KCNMA1: variants seen among roughly 807,000 people sequenced by gnomAD.
The protein encoded by KCNMA1 is Calcium-activated potassium channel subunit alpha-1.
In KCNMA1, 29 loss-of-function variants were observed where a neutral mutation model predicts 140.0. That is an observed-to-expected ratio of 0.21 (90% CI 0.15 to 0.28). The LOEUF (loss-of-function observed/expected upper bound fraction) is 0.28, where lower values mean the gene tolerates loss of function less well. Among genes scored for constraint, KCNMA1 ranks in the 10% least tolerant of loss-of-function variants. KCNMA1 has a pLI of 1.00. For missense variants in KCNMA1, 880 were observed against 1,602.2 expected, an observed-to-expected ratio of 0.55 and a Z score of 7.70; for synonymous variants, 612 against 611.9, an observed-to-expected ratio of 1.00 and a Z score of 0.00.
At chr10:77,382,883 A>T (rs796754420) in intron 2 of KCNMA1, among the ~76,000 whole-genome samples, 23,554 of 114,478 alleles carry the variant, frequency 0.21, 4,457 homozygotes, top group Non-Finnish European at 0.32. Flanking sequence ...AAAAAAAAAA[A>T]AAATATATAT....
chr10:76,995,009 G>A (rs1200551017), intron 19 of KCNMA1, among the ~76,000 whole-genome samples: 1 of 152,160 alleles, frequency 6.6e-6, no homozygotes, highest in African/African-American at 2.4e-5. Flanking sequence ...CCTCTCTCGA[G>A]TGACTTCACA....
At chr10:76,875,957 T>C (rs1212959133), downstream of KCNMA1, 1 of 152,592 alleles carries the variant, frequency 6.6e-6, no homozygotes, top group Non-Finnish European at 1.5e-5. Flanking sequence ...TCACAATACT[T>C]TTATAGAACT....
At chr10:77,413,003 G>A (rs907842362) in intron 1 of KCNMA1, among the ~76,000 whole-genome samples, 13 of 151,936 alleles carry the variant, frequency 8.6e-5, no homozygotes, top group Non-Finnish European at 7.4e-5. Context: ...GATTACAGGC[G>A]TGTGTCATCA....
intron 23 of KCNMA1, among the ~76,000 whole-genome samples, chr10:76,934,270 C>T (rs2059967983): frequency 6.6e-6 from 1 of 152,234 alleles, no homozygotes; most frequent in Non-Finnish European, 1.5e-5. Context: ...CTGCATCTGG[C>T]CTCAGGGCCA....
At chr10:77,532,623 T>C (rs572084777) in intron 1 of KCNMA1, among the ~76,000 whole-genome samples, 178 of 152,326 alleles carry the variant, frequency 1.2e-3, no homozygotes, top group Non-Finnish European at 1.8e-3. Flanking sequence ...TTCCATGTAC[T>C]GAATATTTTT....
intron 9 of KCNMA1, among the ~76,000 whole-genome samples, chr10:77,100,863 T>A (rs774816176): frequency 6.6e-6 from 1 of 152,198 alleles, no homozygotes; most frequent in Non-Finnish European, 1.5e-5. Flanking sequence ...TATTTTTTAA[T>A]GGAAGAAAGA....
chr10:77,031,569 G>T (rs972579012), intron 15 of KCNMA1, among the ~76,000 whole-genome samples: 1 of 152,236 alleles, frequency 6.6e-6, no homozygotes, highest in Admixed American at 6.5e-5. Context: ...GGAAGCAAGA[G>T]CTATGGCTCC....
chr10:77,461,800 C>A (rs192277213), intron 1 of KCNMA1, among the ~76,000 whole-genome samples: 266 of 152,286 alleles, frequency 1.7e-3, no homozygotes, highest in Admixed American at 7.8e-3. Context: ...CTTCCTTCCC[C>A]GTGAGTCTGC....
At chr10:77,439,087 AAAGAGAAGAGAAGAG>A (rs55994326) in intron 1 of KCNMA1, among the ~76,000 whole-genome samples, 2,326 of 124,904 alleles carry the variant, frequency 0.019, 27 homozygotes, top group Middle Eastern at 0.032. Flanking sequence ...AAAGAAAAGA[AAAGAGAAGAGAAGAG>A]AAGAGAAGAG....
intron 2 of KCNMA1, among the ~76,000 whole-genome samples, chr10:77,275,051 T>C (rs2066264232): frequency 6.6e-6 from 1 of 152,190 alleles, no homozygotes; most frequent in African/African-American, 2.4e-5. Context: ...GTGCAAAACC[T>C]TGGCAATCAT....
At chr10:77,315,489 G>A (rs1457327645) in intron 2 of KCNMA1, 1 of 152,196 alleles carries the variant, frequency 6.6e-6, no homozygotes, top group African/African-American at 2.4e-5. Context: ...AAGATTGAAA[G>A]TCAGAAGCAA....
At chr10:77,559,770 T>C (rs185597483) in intron 1 of KCNMA1, among the ~76,000 whole-genome samples, 2 of 152,204 alleles carry the variant, frequency 1.3e-5, no homozygotes, top group Non-Finnish European at 2.9e-5. Context: ...ATTTCAGCAA[T>C]CTCTGGCCCA....
At chr10:77,402,434 T>C (rs532680409) in intron 2 of KCNMA1, among the ~76,000 whole-genome samples, 1 of 152,322 alleles carries the variant, frequency 6.6e-6, no homozygotes, top group South Asian at 2.1e-4. Flanking sequence ...CAACTTTAAA[T>C]GTCCCCTCTT....
chr10:77,062,142 A>G (rs908229078), intron 14 of KCNMA1, among the ~76,000 whole-genome samples: 2 of 152,112 alleles, frequency 1.3e-5, no homozygotes, highest in African/African-American at 4.8e-5. Flanking sequence ...AAAATGAAAA[A>G]CACTTCTGGA....
chr10:77,080,060 C>T (rs2096526237), intron 12 of KCNMA1, among the ~76,000 whole-genome samples: 1 of 152,054 alleles, frequency 6.6e-6, no homozygotes, highest in African/African-American at 2.4e-5. Context: ...ACAAAGAAGG[C>T]CATGAAAGAG....
chr10:77,415,861 A>G (rs946329765), intron 1 of KCNMA1, among the ~76,000 whole-genome samples: 1 of 152,234 alleles, frequency 6.6e-6, no homozygotes, highest in Non-Finnish European at 1.5e-5. Flanking sequence ...CAACTGATGA[A>G]GGGCCTCTCC....
intron 14 of KCNMA1, among the ~76,000 whole-genome samples, chr10:77,058,481 A>G (rs972311350): frequency 1.3e-5 from 2 of 152,128 alleles, no homozygotes; most frequent in Non-Finnish European, 2.9e-5. Context: ...CTCACCTGGA[A>G]CATTCACCAA....
intron 2 of KCNMA1, among the ~76,000 whole-genome samples, chr10:77,364,993 G>T (rs558091930): frequency 6.6e-6 from 1 of 152,138 alleles, no homozygotes; most frequent in Non-Finnish European, 1.5e-5. Flanking sequence ...CAATCCACTC[G>T]GGGAAAAATT....
At chr10:77,406,519 G>T (rs1225838180) in intron 1 of KCNMA1, among the ~76,000 whole-genome samples, 2 of 152,092 alleles carry the variant, frequency 1.3e-5, no homozygotes, top group Non-Finnish European at 2.9e-5. Flanking sequence ...CAGTGTGCTG[G>T]GCCCATCCCA....
Sources: allele counts gnomAD v4.1 joint callset (sites outside exome capture counted in the v4.1 genomes callset), GRCh38; gene constraint gnomAD v4.1.1; transcripts MANE v1.5; gene names NCBI Gene and HGNC (gene_info 2026-07-23, HGNC 2026-07-21).